Variants in CHODL observed in about 807,000 individuals in gnomAD.
The protein encoded by CHODL is chondrolectin.
In CHODL, 29 loss-of-function variants were observed where a neutral mutation model predicts 34.5. The ratio of observed to expected loss-of-function variants is 0.84; its 90% CI spans 0.63 to 1.15. The LOEUF (loss-of-function observed/expected upper bound fraction) is 1.15, where lower values mean the gene tolerates loss of function less well. CHODL is among the 50% of genes most tolerant of loss of function. The pLI is 0.00. For synonymous variants in CHODL, 125 were observed against 116.1 expected (o/e 1.08, Z -0.49); for missense variants, 332 against 332.5 (o/e 1.00, Z 0.01).
chr21:18,099,895 A>G (rs1400305667), intron 2 of CHODL: 1 of 152,076 alleles, frequency 6.6e-6, no homozygotes, highest in Non-Finnish European at 1.5e-5. Context: ...CCCCCAGACA[A>G]TTTCATCGAA....
chr21:18,107,684 A>G (rs1207858156), intron 2 of CHODL, among the ~76,000 whole-genome samples: 2 of 152,244 alleles, frequency 1.3e-5, no homozygotes, highest in East Asian at 3.8e-4. Flanking sequence ...CCCACTGGGT[A>G]GAACCTTGAG....
intron 1 of CHODL, among the ~76,000 whole-genome samples, chr21:17,951,076 A>G (rs923063569): frequency 2.0e-5 from 3 of 150,142 alleles, no homozygotes; most frequent in Non-Finnish European, 2.9e-5. Flanking sequence ...ATTCTTATAT[A>G]AGAATATGTG....
intron 2 of CHODL, among the ~76,000 whole-genome samples, chr21:18,042,488 G>C (rs748772040): frequency 3.3e-5 from 5 of 151,996 alleles, no homozygotes; most frequent in Non-Finnish European, 7.4e-5. Flanking sequence ...TTCTCATTTT[G>C]TAGATAAGGA....
intron 2 of CHODL, among the ~76,000 whole-genome samples, chr21:18,181,738 T>C (rs2073385353): frequency 6.6e-6 from 1 of 152,198 alleles, no homozygotes; most frequent in Non-Finnish European, 1.5e-5. Context: ...CTAATCTTCA[T>C]TCTGCCTCTA....
chr21:18,056,702 T>C (rs2064585734), intron 2 of CHODL, among the ~76,000 whole-genome samples: 1 of 152,060 alleles, frequency 6.6e-6, no homozygotes, highest in South Asian at 2.1e-4. Context: ...GAGAGATTTC[T>C]TCAACTTTTA....
chr21:17,965,874 G>A (rs2063567827), intron 1 of CHODL, among the ~76,000 whole-genome samples: 1 of 149,162 alleles, frequency 6.7e-6, no homozygotes, highest in South Asian at 2.1e-4. Context: ...TTGTTCTATT[G>A]AATGACAGCG....
At chr21:17,982,820 GCCT>G (rs1470019443) in intron 1 of CHODL, among the ~76,000 whole-genome samples, 3 of 142,756 alleles carry the variant, frequency 2.1e-5, no homozygotes, top group Admixed American at 1.5e-4. Flanking sequence ...TGATTCTCCT[GCCT>G]CCTCAGCCTT....
chr21:18,018,374 G>T (rs158055), intron 1 of CHODL, among the ~76,000 whole-genome samples: 1 of 152,090 alleles, frequency 6.6e-6, no homozygotes, highest in African/African-American at 2.4e-5. Flanking sequence ...TGGAGGTGGG[G>T]CCTAGTGGGA....
chr21:18,238,628 G>A (rs1045993318), intron 2 of CHODL, among the ~76,000 whole-genome samples: 13 of 152,054 alleles, frequency 8.5e-5, no homozygotes, highest in Non-Finnish European at 1.3e-4. Context: ...CTGTGGATGG[G>A]TGGTGGAATT....
At chr21:17,970,899 A>G (rs1481344084) in intron 1 of CHODL, among the ~76,000 whole-genome samples, 3 of 151,854 alleles carry the variant, frequency 2.0e-5, no homozygotes, top group Non-Finnish European at 2.9e-5. Context: ...CCACCCCCCA[A>G]CAGGCCCTGG....
chr21:18,012,499 T>G (rs533655069), intron 1 of CHODL, among the ~76,000 whole-genome samples: 29 of 152,274 alleles, frequency 1.9e-4, no homozygotes, highest in African/African-American at 7.0e-4. Flanking sequence ...TTAATGTATA[T>G]AGAAGTATAA....
At chr21:17,974,065 C>T (rs375141975) in intron 1 of CHODL, among the ~76,000 whole-genome samples, 78 of 152,252 alleles carry the variant, frequency 5.1e-4, no homozygotes, top group African/African-American at 1.9e-3. Flanking sequence ...AGGGATGCCC[C>T]TTGTTTCTAT....
rs575545626 is a variant in CHODL, at chr21:18,156,103, GAAAGGA to G, written c.-44-100402_-44-100397del. On this transcript the variant is annotated intron_variant, in intron 2 of 6. Transcript: ENST00000400127. ...TTTCTTTTGACCTTGGACGTGGGTA[GAAAGGA>G]AAATCAAAGTGACTTGCCCTACCTG... 2.0e-4 allele frequency among the ~76,000 whole-genome samples: 31 copies of G among 152,248 alleles called. No individual in the cohort carries two copies. The South Asian group carries it at 5.2e-3, about 25-fold the overall frequency.
At chr21:18,102,926 G>A (rs969578) in intron 2 of CHODL, among the ~76,000 whole-genome samples, 71,412 of 152,058 alleles carry the variant, frequency 0.47, 17,550 homozygotes, top group African/African-American at 0.53. Flanking sequence ...TTATCATCCT[G>A]AAGCTTTATT....
At chr21:18,031,869 G>GA (rs2146440809) in intron 2 of CHODL, among the ~76,000 whole-genome samples, 1 of 152,190 alleles carries the variant, frequency 6.6e-6, no homozygotes, top group African/African-American at 2.4e-5. Flanking sequence ...TTACCTTTGA[G>GA]AAAAAACAAG....
chr21:17,998,166 C>T (rs1451899982), intron 1 of CHODL, among the ~76,000 whole-genome samples: 1 of 152,154 alleles, frequency 6.6e-6, no homozygotes, highest in Non-Finnish European at 1.5e-5. Context: ...CAGGGCCATG[C>T]AAGTCTGAAA....
intron 2 of CHODL, among the ~76,000 whole-genome samples, chr21:18,204,742 C>T (rs1455422714): frequency 6.6e-6 from 1 of 152,080 alleles, no homozygotes; most frequent in Non-Finnish European, 1.5e-5. Context: ...CTGAGTATAA[C>T]CCTGGAGTGA....
intron 2 of CHODL, among the ~76,000 whole-genome samples, chr21:18,162,165 G>T (rs1306438696): frequency 6.6e-6 from 1 of 152,140 alleles, no homozygotes; most frequent in Non-Finnish European, 1.5e-5. Context: ...GTATTAGTTT[G>T]TTAAGGCTGT....
intron 1 of CHODL, among the ~76,000 whole-genome samples, chr21:18,011,535 C>T (rs866987961): frequency 9.2e-5 from 14 of 152,140 alleles, no homozygotes; most frequent in African/African-American, 3.4e-4. Flanking sequence ...ATGTCATCCT[C>T]TCTATAACAA....
Sources: gnomAD v4.1 joint callset for allele counts (sites outside exome capture counted in the v4.1 genomes callset) on GRCh38, gnomAD v4.1.1 for gene constraint, MANE v1.5 for transcripts, NCBI Gene and HGNC (gene_info 2026-07-23, HGNC 2026-07-21) for gene names.